BIRC6: variants seen among roughly 807,000 people sequenced by gnomAD.
The protein encoded by BIRC6 is dual E2 ubiquitin-conjugating enzyme/E3 ubiquitin-protein ligase BIRC6.
A neutral mutation model predicts 503.3 loss-of-function variants in BIRC6; 98 were observed. The ratio of observed to expected loss-of-function variants is 0.19; its 90% CI spans 0.17 to 0.23. BIRC6 has a LOEUF of 0.23. Ranked by LOEUF, BIRC6 falls within the 10% of genes least tolerant of loss-of-function variation. The pLI, the probability that BIRC6 is intolerant of heterozygous loss-of-function variation, is 1.00. For missense variants in BIRC6, 5,360 were observed against 5,806.0 expected (o/e 0.92, Z 2.50); for synonymous variants, 2,240 against 2,078.7 (o/e 1.08, Z -2.11).
At chr2:32,421,615 G>A (rs573681994) in intron 10 of BIRC6, among the ~76,000 whole-genome samples, 2 of 152,026 alleles carry the variant, frequency 1.3e-5, no homozygotes, top group Admixed American at 6.5e-5. Flanking sequence ...AAAGTGTTTT[G>A]TTTAGCCTCC....
Position 32,357,299 on chromosome 2 carries a change from G to T in BIRC6, c.138G>T (p.Gly46=). The change falls in exon 1 of 74, where the codon GGG becomes GGT. Residue 46 remains glycine (G), a synonymous_variant. Transcript: ENST00000421745. This position sits in a 1 kb window ranked among gnomAD's most constrained non-coding sequence, Gnocchi z 4.9. The part of the protein sequence containing the change: ...ASGPGCSSAA[G]AGAAGVSEWL... ...GCCCCGGCTGCTCCTCGGCGGCGGG[G>T]GCGGGGGCGGCCGGGGTCTCAGAGT... The T allele has an allele frequency of 1.3e-6, 2 of 1,526,642 alleles. No individual in the cohort carries two copies. The highest frequency in any genetic ancestry group is 1.8e-6 in the Non-Finnish European group (2 of 1,139,982). 94.6% of individuals were successfully genotyped at this position (1,526,642 alleles called of 1,614,324 possible).
intron 73 of BIRC6, among the ~76,000 whole-genome samples, chr2:32,617,226 C>T (rs1017964481): frequency 6.6e-6 from 1 of 152,066 alleles, no homozygotes; most frequent in Non-Finnish European, 1.5e-5. Context: ...ATAGTGAAAC[C>T]CCATCTCTAC....
At chr2:32,489,997 A>T (rs779344078) in intron 42 of BIRC6, 44 bp from the exon 43 acceptor site, 46 of 1,348,012 alleles carry the variant, frequency 3.4e-5, no homozygotes, top group Non-Finnish European at 4.2e-5. Context: ...CTTCATAAAC[A>T]TTGTTTTTCT....
chr2:32,430,323 A>G (rs891811299), intron 11 of BIRC6, among the ~76,000 whole-genome samples: 1 of 152,234 alleles, frequency 6.6e-6, no homozygotes, highest in Admixed American at 6.5e-5. Context: ...TACTCTTATA[A>G]TACTAGCATG....
At chr2:32,414,157 G>T (rs906286107) in intron 9 of BIRC6, among the ~76,000 whole-genome samples, 1 of 151,898 alleles carries the variant, frequency 6.6e-6, no homozygotes, top group Non-Finnish European at 1.5e-5. Context: ...TGGGTATGGT[G>T]GCACAGCTAT....
At chr2:32,452,909 A>C (rs1374364817) in intron 22 of BIRC6, among the ~76,000 whole-genome samples, 2 of 151,782 alleles carry the variant, frequency 1.3e-5, no homozygotes, top group East Asian at 1.9e-4. Flanking sequence ...CCCTATGCTG[A>C]CCCCCAATAA....
intron 49 of BIRC6, among the ~76,000 whole-genome samples, chr2:32,504,598 C>T (rs967081490): frequency 7.9e-5 from 12 of 151,810 alleles, no homozygotes; most frequent in Admixed American, 7.9e-4. Context: ...ATCTGGGAGG[C>T]GGAGCTTGCA....
At position 32,388,790 on chromosome 2, in the gene BIRC6, A is replaced by G. The variant is rs777418782; in HGVS notation, c.686A>G (p.Lys229Arg). ...TTTCATCTTCCTCATCATGTGTTGA[A>G]GTCCATTGCCAGTGCCATTGTAAAT... Reference protein sequence around the residue: ...VTFHLPHHVLKSIASAIVNEL... With the variant: ...VTFHLPHHVLRSIASAIVNEL... The change falls in exon 4 of 74, where the codon AAG becomes AGG. Residue 229 changes from lysine to arginine, a missense_variant. Physicochemically the swap from Lys to Arg is conservative, Grantham distance 26. This residue lies in a region of BIRC6 where 134 missense variants were observed against 150.9 expected (regional missense o/e 0.89). Transcript: ENST00000421745. 3.2e-5 allele frequency: 51 copies of G among 1,610,804 alleles called. No individual in the cohort carries two copies. Among genetic ancestry groups the G allele is most frequent in the African/African-American group, 1.3e-5 (1 of 74,790 alleles).
intron 41 of BIRC6, among the ~76,000 whole-genome samples, 180 bp from the exon 42 acceptor site, chr2:32,488,408 A>G (rs1294027532): frequency 6.6e-6 from 1 of 152,236 alleles, no homozygotes; most frequent in African/African-American, 2.4e-5. Context: ...CAAGAATTTT[A>G]AGATGTGTTT....
At chr2:32,546,920 AT>A (rs2058091566) in intron 63 of BIRC6, among the ~76,000 whole-genome samples, 1 of 152,126 alleles carries the variant, frequency 6.6e-6, no homozygotes, top group Non-Finnish European at 1.5e-5. Context: ...CTCTATTAAA[AT>A]TACAAAAATT....
intron 1 of BIRC6, among the ~76,000 whole-genome samples, chr2:32,361,512 C>T (rs2034082812): frequency 6.6e-6 from 1 of 152,160 alleles, no homozygotes; most frequent in Non-Finnish European, 1.5e-5. Flanking sequence ...GTGATCTTAG[C>T]ACTAACAATC....
At chr2:32,452,671 G>A (rs578189430) in intron 22 of BIRC6, among the ~76,000 whole-genome samples, 65 of 152,004 alleles carry the variant, frequency 4.3e-4, no homozygotes, top group Non-Finnish European at 6.8e-4. Flanking sequence ...TGTTAGAGAA[G>A]CATTTTATTA....
chr2:32,608,184 T>G (rs1209753044), intron 72 of BIRC6, among the ~76,000 whole-genome samples: 1 of 150,764 alleles, frequency 6.6e-6, no homozygotes, highest in Non-Finnish European at 1.5e-5. Flanking sequence ...TCTTAGATAC[T>G]CAGTGGGCTA....
At chr2:32,436,886 CTTTTTTTTTTTT>C (rs35067044) in intron 15 of BIRC6, among the ~76,000 whole-genome samples, 1 of 90,078 alleles carries the variant, frequency 1.1e-5, no homozygotes, top group Non-Finnish European at 2.1e-5. Flanking sequence ...TTTGTTTTTT[CTTTTTTTTTTTT>C]TTTTTTTTGA....
At chr2:32,475,131 C>CA (rs1273281510) in intron 33 of BIRC6, among the ~76,000 whole-genome samples, 1 of 137,960 alleles carries the variant, frequency 7.2e-6, no homozygotes, top group Non-Finnish European at 1.5e-5. Flanking sequence ...ACCACTAGTC[C>CA]AGCCTGGGTG....
At chr2:32,532,834 A>T (rs992219487) in intron 61 of BIRC6, among the ~76,000 whole-genome samples, 1 of 152,126 alleles carries the variant, frequency 6.6e-6, no homozygotes, top group African/African-American at 2.4e-5. Context: ...AACATAAATG[A>T]TTTTTTCTAA....
At chr2:32,447,472 C>CG (rs1207500805) in intron 21 of BIRC6, among the ~76,000 whole-genome samples, 1 of 138,248 alleles carries the variant, frequency 7.2e-6, no homozygotes, top group Admixed American at 7.0e-5. Context: ...GCTGGCCGGG[C>CG]GGGGGGCTGA....
chr2:32,612,920 A>G (rs2062978798), intron 73 of BIRC6, among the ~76,000 whole-genome samples: 1 of 152,200 alleles, frequency 6.6e-6, no homozygotes, highest in Non-Finnish European at 1.5e-5. Context: ...GTCAGACTAT[A>G]GCAGTTGACA....
At chr2:32,606,228 G>A (rs926400177) in intron 71 of BIRC6, among the ~76,000 whole-genome samples, 1 of 152,092 alleles carries the variant, frequency 6.6e-6, no homozygotes, top group Non-Finnish European at 1.5e-5. Context: ...GTTACATCTG[G>A]GACAAGCCTT....
Sources: gnomAD v4.1 joint callset for allele counts (sites outside exome capture counted in the v4.1 genomes callset) on GRCh38, gnomAD v4.1.1 for gene constraint, gnomAD v4.1.1 regional missense constraint, Gnocchi (gnomAD v3.1) non-coding constraint, MANE v1.5 for transcripts, NCBI Gene and HGNC (gene_info 2026-07-23, HGNC 2026-07-21) for gene names.